ZFAND6: variants seen among roughly 807,000 people sequenced by gnomAD.
ZFAND6 encodes the protein AN1-type zinc finger protein 6.
ZFAND6 carries 12 observed loss-of-function variants against 24.5 expected under a neutral mutation model. The observed-to-expected ratio is 0.49, with a 90% CI of 0.31 to 0.79. ZFAND6 has a LOEUF of 0.79. Among genes scored for constraint, ZFAND6 ranks in the 30% least tolerant of loss-of-function variants. The pLI is 0.04. For synonymous variants in ZFAND6, 92 were observed against 81.5 expected, an observed-to-expected ratio of 1.13 and a Z score of -0.69; for missense variants, 207 against 245.9, an observed-to-expected ratio of 0.84 and a Z score of 1.06.
chr15:80,111,578 G>C, intron 2 of ZFAND6: 3 of 455,672 alleles, frequency 6.6e-6, no homozygotes, highest in South Asian at 4.6e-5. Flanking sequence ...TATTTTACCA[G>C]TATAACTATA....
intron 1 of ZFAND6, among the ~76,000 whole-genome samples, chr15:80,094,828 CAGG>C (rs2038620463): frequency 6.6e-6 from 1 of 151,970 alleles, no homozygotes; most frequent in African/African-American, 2.4e-5. Flanking sequence ...TCTTGTATCC[CAGG>C]CTGGAGTGCA....
At chr15:80,068,741 A>C (rs1052251724) in intron 1 of ZFAND6, among the ~76,000 whole-genome samples, 7 of 152,196 alleles carry the variant, frequency 4.6e-5, no homozygotes, top group Admixed American at 1.3e-4. Context: ...TACAGGCGTG[A>C]GCCACCGTGC....
intron 6 of ZFAND6, among the ~76,000 whole-genome samples, chr15:80,134,676 A>T (rs1162299445): frequency 1.3e-5 from 2 of 152,220 alleles, no homozygotes; most frequent in Non-Finnish European, 2.9e-5. Context: ...GGATTTCAAG[A>T]TAGGGATCTT....
In ZFAND6 at chr15:80,118,016, T is replaced by TTTGTG. The variant is rs1555434592; in HGVS notation, c.-17-2311_-17-2310insTGTGT. The stretch of plus-strand genomic sequence containing the variant: ...GCTGGGATTCAATCCAGGTATTGAA[T>TTTGTG]TGTGTGTGTGTGTGTGTGTATATGT... On this transcript the variant is annotated intron_variant, in intron 2 of 6. Coordinates refer to ENST00000261749, the MANE Select transcript of ZFAND6 (RefSeq NM_019006.4). Among the ~76,000 whole-genome samples, 13 of 150,420 alleles carry TTTGTG rather than the reference T, an allele frequency of 8.6e-5. 1 individual carries two copies. In the East Asian group the frequency reaches 1.6e-3, roughly 18 times the overall value.
At chr15:80,059,669 A>G (rs2036212358), upstream of ZFAND6, 1 of 152,230 alleles carries the variant, frequency 6.6e-6, no homozygotes, top group Non-Finnish European at 1.5e-5. Context: ...ACCAAACAGA[A>G]AAGTTTAATA....
At chr15:80,069,865 C>T (rs987600569) in intron 1 of ZFAND6, among the ~76,000 whole-genome samples, 7 of 152,080 alleles carry the variant, frequency 4.6e-5, no homozygotes, top group Non-Finnish European at 8.8e-5. Context: ...CCTCTGCCTC[C>T]GAAAGTGCTG....
At chr15:80,076,422 A>G (rs904977567) in intron 1 of ZFAND6, among the ~76,000 whole-genome samples, 3 of 151,872 alleles carry the variant, frequency 2.0e-5, no homozygotes, top group African/African-American at 7.3e-5. Flanking sequence ...GCCACACGGT[A>G]TGATTTCTTA....
chr15:80,122,808 T>A lies in ZFAND6; in HGVS notation c.364+8T>A. On this transcript the variant is annotated splice_region_variant and intron_variant, in intron 5 of 6. Coordinates refer to ENST00000261749, the MANE Select transcript of ZFAND6 (RefSeq NM_019006.4). ...AAACAGAAGATGTGCAGGGTTTGTA[T>A]ATGAACTAGCATGTATTTTGTTATT... The A allele has an allele frequency of 1.2e-6, 2 of 1,601,492 alleles. No homozygotes were observed. Among genetic ancestry groups the A allele is most frequent in the Non-Finnish European group, 1.7e-6 (2 of 1,169,064 alleles).
Position 80,101,200 on chromosome 15 carries a change from C to T in ZFAND6, c.-18+2622C>T, listed in dbSNP as rs563050631. 1.2e-4 allele frequency among the ~76,000 whole-genome samples: 18 copies of T among 152,242 alleles called. No homozygotes were observed. In the East Asian group the frequency reaches 2.1e-3, roughly 18 times the overall value. On this transcript the variant is annotated intron_variant, in intron 2 of 6. Transcript: ENST00000261749. ...ACTCCCGGCTGGGCGTGGTGGCTCACGCCTGTAATCCCAGCACTTTGGGAG... is the reference window on the plus strand; with the variant it reads ...ACTCCCGGCTGGGCGTGGTGGCTCATGCCTGTAATCCCAGCACTTTGGGAG...
intron 1 of ZFAND6, among the ~76,000 whole-genome samples, chr15:80,062,389 A>T (rs1176451431): frequency 6.6e-6 from 1 of 152,210 alleles, no homozygotes; most frequent in Non-Finnish European, 1.5e-5. Flanking sequence ...TTAACTCCAT[A>T]TTTAAATATG....
chr15:80,070,410 T>G (rs2036908957), intron 1 of ZFAND6, among the ~76,000 whole-genome samples: 1 of 152,252 alleles, frequency 6.6e-6, no homozygotes, highest in African/African-American at 2.4e-5. Context: ...AATATTGTTT[T>G]CATATTATCT....
intron 6 of ZFAND6, among the ~76,000 whole-genome samples, chr15:80,132,478 A>C (rs1021062430): frequency 1.3e-5 from 2 of 152,242 alleles, no homozygotes; most frequent in Non-Finnish European, 2.9e-5. Context: ...GTATTAAGTG[A>C]GAGTGGCAAA....
chr15:80,110,824 C>T (rs1277948140), intron 2 of ZFAND6, among the ~76,000 whole-genome samples: 1 of 152,068 alleles, frequency 6.6e-6, no homozygotes. Flanking sequence ...TCATTCCATA[C>T]CAAGAAAATC....
At chr15:80,131,489 A>T (rs1001988540) in intron 6 of ZFAND6, 196 bp downstream of exon 6, 40 of 469,606 alleles carry the variant, frequency 8.5e-5, no homozygotes, top group Middle Eastern at 1.1e-3. Flanking sequence ...TAGCTTTTTT[A>T]AAAAAAGTTT....
At chr15:80,098,874 T>C (rs528319185) in intron 2 of ZFAND6, among the ~76,000 whole-genome samples, 1 of 152,278 alleles carries the variant, frequency 6.6e-6, no homozygotes, top group Admixed American at 6.5e-5. Context: ...CAAAAGATTG[T>C]AATTCTTTAG....
At chr15:80,090,119 A>C (rs954619325) in intron 1 of ZFAND6, among the ~76,000 whole-genome samples, 2 of 152,198 alleles carry the variant, frequency 1.3e-5, no homozygotes, top group African/African-American at 2.4e-5. Context: ...TTCCTTATTC[A>C]AATCATACTG....
intron 2 of ZFAND6, among the ~76,000 whole-genome samples, chr15:80,114,484 C>G (rs1347494537): frequency 6.6e-6 from 1 of 152,002 alleles, no homozygotes; most frequent in Non-Finnish European, 1.5e-5. Flanking sequence ...AGGAGAATTT[C>G]AATAAATGTA....
intron 2 of ZFAND6, among the ~76,000 whole-genome samples, chr15:80,109,052 G>A (rs1448569772): frequency 1.3e-5 from 2 of 152,138 alleles, no homozygotes; most frequent in Non-Finnish European, 2.9e-5. Context: ...TGCATGAACT[G>A]TATAGTCATA....
Position 80,121,709 on chromosome 15 carries a change from C to A in ZFAND6, c.155-3C>A. 6.2e-7 allele frequency: 1 copy of A among 1,613,244 alleles called. No homozygotes were observed. On this transcript the variant is annotated splice_polypyrimidine_tract_variant and splice_region_variant and intron_variant, in intron 3 of 6. Coordinates refer to ENST00000261749, the MANE Select transcript of ZFAND6 (RefSeq NM_019006.4). Reference sequence around the variant, plus strand: ...ACTAATACGCAATGTGGTACTGTTACAGCAACCTCTGTCAGTAGTCTGTCT... The same window carrying A: ...ACTAATACGCAATGTGGTACTGTTAAAGCAACCTCTGTCAGTAGTCTGTCT...
Sources: gnomAD v4.1 joint callset for allele counts (sites outside exome capture counted in the v4.1 genomes callset) on GRCh38, gnomAD v4.1.1 for gene constraint, MANE v1.5 for transcripts, NCBI Gene and HGNC (gene_info 2026-07-23, HGNC 2026-07-21) for gene names.